Variants in FBXO38 observed in about 807,000 individuals in gnomAD.
FBXO38 encodes F-box only protein 38.
A neutral mutation model predicts 131.9 loss-of-function variants in FBXO38; 53 were observed. The ratio of observed to expected loss-of-function variants is 0.40; its 90% CI spans 0.32 to 0.51. The LOEUF (loss-of-function observed/expected upper bound fraction) is 0.51, where lower values mean the gene tolerates loss of function less well. FBXO38 is among the 20% of genes least tolerant of loss of function. The pLI is 0.53. For synonymous variants in FBXO38, 452 were observed against 505.6 expected (o/e 0.89, Z 1.42); for missense variants, 1,076 against 1,475.6 (o/e 0.73, Z 4.44).
chr5:148,421,256 G>A (rs563061300), intron 12 of FBXO38, among the ~76,000 whole-genome samples: 2 of 152,202 alleles, frequency 1.3e-5, no homozygotes, highest in Admixed American at 1.3e-4. Context: ...GAGCCACCAC[G>A]CCCGGCCAAG....
At chr5:148,388,685 A>G (rs1335630716) in intron 1 of FBXO38, among the ~76,000 whole-genome samples, 1 of 152,214 alleles carries the variant, frequency 6.6e-6, no homozygotes, top group African/African-American at 2.4e-5. Flanking sequence ...ATAGAATTGC[A>G]GAGACTTAGG....
intron 15 of FBXO38, 67 bp downstream of exon 15, chr5:148,428,014 T>A (rs1016102000): frequency 6.4e-6 from 9 of 1,403,160 alleles, no homozygotes; most frequent in Non-Finnish European, 8.4e-6. Flanking sequence ...ACTTGTTTCA[T>A]GAGTTTTCTT....
At chr5:148,402,229 C>A (rs1411227045) in intron 4 of FBXO38, 84 bp downstream of exon 4, 14 of 1,544,958 alleles carry the variant, frequency 9.1e-6, no homozygotes, top group Admixed American at 1.9e-5. Flanking sequence ...CACTCACATG[C>A]AAATCTCATC....
intron 9 of FBXO38, among the ~76,000 whole-genome samples, chr5:148,411,720 A>G (rs963528267): frequency 1.3e-5 from 2 of 152,204 alleles, no homozygotes; most frequent in African/African-American, 4.8e-5. Context: ...ACAGTTTACT[A>G]TTAGAATCAT....
intron 1 of FBXO38, among the ~76,000 whole-genome samples, chr5:148,387,811 C>T (rs1757994395): frequency 6.6e-6 from 1 of 151,564 alleles, no homozygotes; most frequent in South Asian, 2.1e-4. Flanking sequence ...CCTGCCTCAG[C>T]CTCCCAGGTG....
intron 5 of FBXO38, among the ~76,000 whole-genome samples, chr5:148,404,186 G>A (rs963064755): frequency 6.6e-6 from 1 of 152,160 alleles, no homozygotes. Flanking sequence ...TTAAAGTTCT[G>A]TGTTTGGCTA....
At chr5:148,394,937 G>A (rs769990304) in intron 2 of FBXO38, 33 bp downstream of exon 2, 1 of 1,538,218 alleles carries the variant, frequency 6.5e-7, no homozygotes, top group South Asian at 1.3e-5. Context: ...TACCTGCCTG[G>A]AATGGATAAG....
intron 12 of FBXO38, among the ~76,000 whole-genome samples, chr5:148,419,757 T>C (rs1326521217): frequency 6.6e-6 from 1 of 152,070 alleles, no homozygotes; most frequent in Admixed American, 6.5e-5. Flanking sequence ...AACAAATCTT[T>C]ACATGCATGG....
chr5:148,393,234 T>TGTGTGA (rs1491443388), intron 1 of FBXO38, among the ~76,000 whole-genome samples: 10 of 144,300 alleles, frequency 6.9e-5, no homozygotes, highest in Non-Finnish European at 1.2e-4. Context: ...TGTGTGTGTG[T>TGTGTGA]GATGAGAGGC....
At chr5:148,387,358 C>A (rs1031445430) in intron 1 of FBXO38, among the ~76,000 whole-genome samples, 3 of 152,148 alleles carry the variant, frequency 2.0e-5, no homozygotes, top group Non-Finnish European at 1.5e-5. Flanking sequence ...TGCAGCAATT[C>A]AGTCACATCT....
In FBXO38 at chr5:148,421,441, A is replaced by T. The variant is rs528563247; in HGVS notation, c.1619-2557A>T. Among the ~76,000 whole-genome samples, 31 of 152,292 alleles carry T rather than the reference A, an allele frequency of 2.0e-4. No individual in the cohort carries two copies. The South Asian group carries it at 6.2e-3, about 31-fold the overall frequency. The stretch of plus-strand genomic sequence containing the variant: ...TTACACTTTGGGGCAGGTAGTTGTC[A>T]ACCACTAAATATTATATCTGATAAT... On this transcript the variant is annotated intron_variant, in intron 12 of 21. Transcript: ENST00000340253.
intron 13 of FBXO38, among the ~76,000 whole-genome samples, chr5:148,424,516 C>T (rs973291954): frequency 6.6e-6 from 1 of 152,194 alleles, no homozygotes; most frequent in African/African-American, 2.4e-5. Flanking sequence ...AAACCAAAAC[C>T]TAGCGTCTGT....
intron 1 of FBXO38, among the ~76,000 whole-genome samples, chr5:148,391,389 G>A (rs1244084075): frequency 6.6e-6 from 1 of 152,202 alleles, no homozygotes; most frequent in East Asian, 1.9e-4. Context: ...TGCTGTGGAA[G>A]CATATGTTAA....
intron 15 of FBXO38, chr5:148,430,868 C>A (rs997390766): frequency 6.6e-6 from 1 of 152,108 alleles, no homozygotes; most frequent in Non-Finnish European, 1.5e-5. Flanking sequence ...CACTGTATAA[C>A]AATTTATAAA....
chr5:148,404,623 C>G (rs1752336803), intron 5 of FBXO38, 62 bp from the exon 6 acceptor site: 3 of 1,394,978 alleles, frequency 2.2e-6, no homozygotes, highest in African/African-American at 3.0e-5. Context: ...AACTTATAAG[C>G]AAAATATAGT....
Position 148,395,003 on chromosome 5 carries a change from T to TA in FBXO38, c.128+99_128+100insA, listed in dbSNP as rs1386679516. On this transcript the variant is annotated intron_variant, in intron 2 of 21. Coordinates refer to ENST00000340253, the MANE Select transcript of FBXO38 (RefSeq NM_205836.3). ...GGTAGCTACCAGCTACATGCAGCAT[T>TA]TACATTTCAATTAAGTAAAAATGTA... 6.8e-6 allele frequency: 8 copies of TA among 1,183,728 alleles called. No individual in the cohort carries two copies. In the Admixed American group the frequency reaches 2.4e-4, roughly 35 times the overall value. The allele number at this position is 1,183,728 out of a possible 1,614,324, so 73.3% of individuals were successfully genotyped here. A position where few individuals can be genotyped will look rare whatever the true frequency, so the allele number is the denominator to read the frequency against.
chr5:148,415,146 T>C (rs532166920), intron 10 of FBXO38, among the ~76,000 whole-genome samples: 4 of 152,286 alleles, frequency 2.6e-5, no homozygotes, highest in Admixed American at 1.3e-4. Flanking sequence ...CAAGAAGTTA[T>C]TGGGAAATAT....
chr5:148,404,596 T>C (rs1752334906), intron 5 of FBXO38, 89 bp from the exon 6 acceptor site: 1 of 1,147,638 alleles, frequency 8.7e-7, no homozygotes. Flanking sequence ...GCTGTTAATA[T>C]GAAAAATAGA....
chr5:148,414,053 G>T, intron 9 of FBXO38, 83 bp from the exon 10 acceptor site: 1 of 1,324,930 alleles, frequency 7.5e-7, no homozygotes, highest in South Asian at 1.4e-5. Context: ...TTTTTATACT[G>T]ACTGGTAAGA....
Sources: gnomAD v4.1 joint callset for allele counts (sites outside exome capture counted in the v4.1 genomes callset) on GRCh38, gnomAD v4.1.1 for gene constraint, MANE v1.5 for transcripts, NCBI Gene and HGNC (gene_info 2026-07-23, HGNC 2026-07-21) for gene names.